STXBP5L: variants seen among roughly 807,000 people sequenced by gnomAD.
STXBP5L encodes the protein syntaxin binding protein 5L, also known as syntaxin-binding protein 5-like.
STXBP5L carries 65 observed loss-of-function variants against 144.5 expected under a neutral mutation model. The ratio of observed to expected loss-of-function variants is 0.45; its 90% CI spans 0.37 to 0.55. The LOEUF (loss-of-function observed/expected upper bound fraction) is 0.55. Ranked by LOEUF, STXBP5L falls within the 20% of genes least tolerant of loss-of-function variation. The pLI is 0.00. For synonymous variants in STXBP5L, 505 were observed against 469.6 expected, an observed-to-expected ratio of 1.08 and a Z score of -0.97; for missense variants, 1,298 against 1,405.5, an observed-to-expected ratio of 0.92 and a Z score of 1.22.
chr3:121,360,900 G>GTGGTTATAT (rs1576284779), intron 20 of STXBP5L, among the ~76,000 whole-genome samples: 1 of 152,078 alleles, frequency 6.6e-6, no homozygotes, highest in East Asian at 1.9e-4. Flanking sequence ...GTACCTTCAG[G>GTGGTTATAT]TGGTTATATA....
At chr3:120,970,693 C>T (rs1051529208) in intron 3 of STXBP5L, among the ~76,000 whole-genome samples, 6 of 152,040 alleles carry the variant, frequency 3.9e-5, no homozygotes, top group African/African-American at 1.2e-4. Flanking sequence ...TATACCTGGA[C>T]GATGTCTTCT....
intron 20 of STXBP5L, among the ~76,000 whole-genome samples, chr3:121,341,701 C>A (rs2044719651): frequency 1.3e-5 from 2 of 151,996 alleles, no homozygotes; most frequent in African/African-American, 2.4e-5. Flanking sequence ...AGAGAGAGAT[C>A]CTGTTGTTTA....
intron 5 of STXBP5L, among the ~76,000 whole-genome samples, chr3:121,092,575 C>T (rs1236618031): frequency 6.6e-6 from 1 of 152,114 alleles, no homozygotes; most frequent in South Asian, 2.1e-4. Flanking sequence ...CTCTGTTTGT[C>T]TGTTATTGGT....
At chr3:120,963,443 G>T (rs1048684089) in intron 3 of STXBP5L, among the ~76,000 whole-genome samples, 1 of 152,092 alleles carries the variant, frequency 6.6e-6, no homozygotes, top group African/African-American at 2.4e-5. Context: ...TGAGATATGT[G>T]CCATCAATAC....
At chr3:121,061,639 A>G (rs1399991987) in intron 5 of STXBP5L, among the ~76,000 whole-genome samples, 3 of 152,180 alleles carry the variant, frequency 2.0e-5, no homozygotes, top group African/African-American at 7.2e-5. Context: ...TTGCCTAGTG[A>G]ATCCGGGTGC....
At chr3:120,936,641 G>A (rs1041626986) in intron 2 of STXBP5L, among the ~76,000 whole-genome samples, 4 of 150,972 alleles carry the variant, frequency 2.6e-5, no homozygotes, top group Admixed American at 2.0e-4. Context: ...ACAGAGTCTC[G>A]CTCTGTCTCC....
At chr3:121,109,521 G>A (rs913105710) in intron 5 of STXBP5L, among the ~76,000 whole-genome samples, 7 of 152,074 alleles carry the variant, frequency 4.6e-5, no homozygotes, top group African/African-American at 1.4e-4. Context: ...TTTCCAGTTA[G>A]TTGTATGGGT....
chr3:121,222,211 G>A (rs1447130839), intron 10 of STXBP5L, among the ~76,000 whole-genome samples: 1 of 151,984 alleles, frequency 6.6e-6, no homozygotes, highest in African/African-American at 2.4e-5. Flanking sequence ...AGATATGTAA[G>A]TATTGATTTG....
chr3:121,310,609 C>T (rs139009402), intron 19 of STXBP5L, among the ~76,000 whole-genome samples: 2,928 of 146,138 alleles, frequency 0.02, 100 homozygotes, highest in African/African-American at 0.07. Flanking sequence ...AGGGAGACTC[C>T]GCCTCAAAAA....
intron 3 of STXBP5L, among the ~76,000 whole-genome samples, chr3:121,004,331 T>A (rs1417720368): frequency 1.3e-5 from 2 of 152,004 alleles, no homozygotes; most frequent in African/African-American, 2.4e-5. Flanking sequence ...GGGAGTTCAC[T>A]CATGATTTGG....
At chr3:121,105,843 G>T (rs2043677824) in intron 5 of STXBP5L, among the ~76,000 whole-genome samples, 1 of 152,110 alleles carries the variant, frequency 6.6e-6, no homozygotes, top group South Asian at 2.1e-4. Context: ...AATTCTGGTT[G>T]TAGTTTTTTG....
chr3:121,344,000 A>G lies in STXBP5L; in HGVS notation c.2176+25460A>G, dbSNP rs142442272. On this transcript the variant is annotated intron_variant, in intron 20 of 26. Transcript: ENST00000471454. ...ATCAAGCTACCGGACTTCTAACTAT[A>G]CTACAAAGCTACAGTAACCAAAACA... Among the ~76,000 whole-genome samples, 287 of 152,246 alleles carry G rather than the reference A, an allele frequency of 1.9e-3. 1 individual carries two copies. Among genetic ancestry groups the G allele is most frequent in the African/African-American group, 6.5e-3 (269 of 41,530 alleles).
intron 2 of STXBP5L, among the ~76,000 whole-genome samples, chr3:120,937,561 T>G (rs1032688586): frequency 3.9e-5 from 6 of 152,196 alleles, no homozygotes; most frequent in Non-Finnish European, 7.3e-5. Flanking sequence ...TGCCTGTCTG[T>G]CTCTCTGTTT....
At chr3:121,048,819 G>A (rs1277718427) in intron 5 of STXBP5L, among the ~76,000 whole-genome samples, 2 of 152,078 alleles carry the variant, frequency 1.3e-5, no homozygotes, top group African/African-American at 4.8e-5. Context: ...CTGAGTAGCT[G>A]GGACTACAGG....
intron 7 of STXBP5L, among the ~76,000 whole-genome samples, chr3:121,148,597 A>G (rs1193649899): frequency 6.6e-6 from 1 of 152,092 alleles, no homozygotes; most frequent in Non-Finnish European, 1.5e-5. Context: ...TATTCCTTTA[A>G]TTTAACATTG....
At chr3:121,177,889 A>C (rs1321967549) in intron 9 of STXBP5L, among the ~76,000 whole-genome samples, 1 of 152,244 alleles carries the variant, frequency 6.6e-6, no homozygotes. Context: ...GTCCTTCAAC[A>C]GATGACTGGA....
chr3:121,290,739 G>A (rs987348200), intron 19 of STXBP5L, among the ~76,000 whole-genome samples: 4 of 152,072 alleles, frequency 2.6e-5, no homozygotes, highest in African/African-American at 9.7e-5. Flanking sequence ...CAGGGATGCA[G>A]GGATGGTTTA....
intron 20 of STXBP5L, among the ~76,000 whole-genome samples, chr3:121,323,222 G>T (rs2044033815): frequency 6.6e-6 from 1 of 152,160 alleles, no homozygotes; most frequent in Non-Finnish European, 1.5e-5. Context: ...TTTTGTTTTT[G>T]TTGCAATTGT....
Position 120,909,827 on chromosome 3 carries a change from A to AG in STXBP5L, c.189+66dup, listed in dbSNP as rs1221988907. 12 of 1,492,758 alleles carry AG rather than the reference A, an allele frequency of 8.0e-6. No homozygotes were observed. In the East Asian group the frequency reaches 1.5e-4, roughly 18 times the overall value. 92.5% of individuals were successfully genotyped at this position (1,492,758 alleles called of 1,614,324 possible). ...TTTATTATACTGTTGTAAGGAAACA[A>AG]GGGGGGAAAAACATACCAGGAACAG... On this transcript the variant is annotated intron_variant, in intron 2 of 26. Coordinates refer to ENST00000471454, the MANE Select transcript of STXBP5L (RefSeq NM_001308330.2).
Sources: allele counts gnomAD v4.1 joint callset (sites outside exome capture counted in the v4.1 genomes callset), GRCh38; gene constraint gnomAD v4.1.1; transcripts MANE v1.5; gene names NCBI Gene and HGNC (gene_info 2026-07-23, HGNC 2026-07-21).